The following RANBP2 variants were observed in gnomAD, a reference collection of about 807,000 sequenced individuals.
RANBP2 encodes the protein E3 SUMO-protein ligase RanBP2.
In RANBP2, 57 loss-of-function variants were observed where a neutral mutation model predicts 303.6. That is an observed-to-expected ratio of 0.19 (90% CI 0.15 to 0.23). RANBP2 has a LOEUF of 0.23. RANBP2 is among the 10% of genes least tolerant of loss of function. The probability of loss-of-function intolerance (pLI) is 1.00; values close to 1 mark genes in which losing one functional copy is unlikely to be tolerated. For synonymous variants in RANBP2, 1,167 were observed against 1,301.5 expected (o/e 0.90, Z 2.23); for missense variants, 3,138 against 3,780.8 (o/e 0.83, Z 4.46).
chr2:108,849,143 T>C, the RANBP2 span, among the ~76,000 whole-genome samples: 3 of 152,058 alleles, frequency 2.0e-5, no homozygotes, highest in East Asian at 5.8e-4. Flanking sequence ...TGAACTGGGA[T>C]ACATAGCAAT....
the RANBP2 span, among the ~76,000 whole-genome samples, chr2:109,697,060 G>A: frequency 7.2e-5 from 11 of 152,148 alleles, no homozygotes; most frequent in Admixed American, 7.2e-4. Flanking sequence ...TTATAGGTGT[G>A]AGCCACCACA....
At chr2:109,072,975 G>C in the RANBP2 span, among the ~76,000 whole-genome samples, 2 of 152,094 alleles carry the variant, frequency 1.3e-5, no homozygotes, top group East Asian at 3.9e-4. Flanking sequence ...GAAGACTGAG[G>C]GAGGTGGCTG....
At chr2:109,550,566 G>A in the RANBP2 span, among the ~76,000 whole-genome samples, 3 of 151,962 alleles carry the variant, frequency 2.0e-5, no homozygotes, top group African/African-American at 4.8e-5. Context: ...CACCCACCTC[G>A]GCCTCCCGAA....
At chr2:109,405,012 C>G in the RANBP2 span, among the ~76,000 whole-genome samples, 1 of 151,234 alleles carries the variant, frequency 6.6e-6, no homozygotes, top group Non-Finnish European at 1.5e-5. Flanking sequence ...AAATACCCCC[C>G]ACCTTCTCTT....
At chr2:109,143,733 A>C in the RANBP2 span, among the ~76,000 whole-genome samples, 1 of 151,126 alleles carries the variant, frequency 6.6e-6, no homozygotes, top group East Asian at 1.9e-4. Flanking sequence ...CAGCCTGGGC[A>C]ACAGAGTGAC....
downstream of RANBP2, among the ~76,000 whole-genome samples, chr2:108,789,728 G>A (rs1679588720): frequency 6.6e-6 from 1 of 152,132 alleles, no homozygotes; most frequent in African/African-American, 2.4e-5. Flanking sequence ...GGTGGTCTGG[G>A]GAGATGGTAA....
chr2:109,267,891 AGCT>A, the RANBP2 span, among the ~76,000 whole-genome samples: 3 of 150,210 alleles, frequency 2.0e-5, no homozygotes, highest in African/African-American at 7.3e-5. Flanking sequence ...GGGAGAAAGG[AGCT>A]GCTGCAGCAC....
At chr2:109,687,944 G>A in the RANBP2 span, among the ~76,000 whole-genome samples, 13 of 151,956 alleles carry the variant, frequency 8.6e-5, no homozygotes, top group Admixed American at 5.2e-4. Flanking sequence ...TGGGCTTTTC[G>A]CCATGTTGCC....
chr2:109,030,218 A>C, the RANBP2 span, among the ~76,000 whole-genome samples: 1 of 152,148 alleles, frequency 6.6e-6, no homozygotes, highest in Non-Finnish European at 1.5e-5. Flanking sequence ...CCTCCCCTGC[A>C]CAGCCAGCTG....
chr2:109,236,256 C>T, the RANBP2 span, among the ~76,000 whole-genome samples: 1 of 152,260 alleles, frequency 6.6e-6, no homozygotes, highest in East Asian at 1.9e-4. Context: ...TATTAATGAC[C>T]AAATTCCCCT....
chr2:109,178,386 G>A, the RANBP2 span, among the ~76,000 whole-genome samples: 2 of 152,254 alleles, frequency 1.3e-5, no homozygotes, highest in African/African-American at 4.8e-5. Flanking sequence ...GTGTGGTGGA[G>A]GAATATTGGT....
At chr2:108,786,327 C>CT (rs1678704938), downstream of RANBP2, among the ~76,000 whole-genome samples, 1 of 149,880 alleles carries the variant, frequency 6.7e-6, no homozygotes, top group African/African-American at 2.5e-5. Context: ...CTCTCAGGCT[C>CT]AAAGCAATGC....
chr2:108,854,010 AATATATAATAAATTTATATT>A, the RANBP2 span, among the ~76,000 whole-genome samples: 2 of 99,442 alleles, frequency 2.0e-5, no homozygotes, highest in Non-Finnish European at 3.9e-5. Flanking sequence ...TATTATATAT[AATATATAATAAATTTATATT>A]ATATATAATA....
At chr2:109,038,351 C>G in the RANBP2 span, among the ~76,000 whole-genome samples, 1 of 152,024 alleles carries the variant, frequency 6.6e-6, no homozygotes, top group Non-Finnish European at 1.5e-5. Context: ...AACTTTTGCT[C>G]TGGCCAAGTG....
the RANBP2 span, among the ~76,000 whole-genome samples, chr2:108,886,416 CTT>C: frequency 6.6e-6 from 1 of 152,020 alleles, no homozygotes; most frequent in Non-Finnish European, 1.5e-5. Flanking sequence ...CCTTTGCCCA[CTT>C]TATTTATTTT....
chr2:109,614,370 G>A, the RANBP2 span: 7 of 841,192 alleles, frequency 8.3e-6, no homozygotes, highest in Non-Finnish European at 1.1e-5. Context: ...CCTCAGACGC[G>A]TAGGCTGGCA....
chr2:108,895,585 T>G, the RANBP2 span: 2 of 152,236 alleles, frequency 1.3e-5, no homozygotes, highest in Non-Finnish European at 2.9e-5. Context: ...CAAACCACAC[T>G]GTGTTGACTT....
the RANBP2 span, among the ~76,000 whole-genome samples, chr2:109,492,106 G>A: frequency 9.8e-5 from 15 of 152,340 alleles, no homozygotes; most frequent in East Asian, 2.5e-3. Context: ...CACGGTGGAA[G>A]CGTGGCCACA....
chr2:109,166,129 A>C, the RANBP2 span, among the ~76,000 whole-genome samples: 1 of 152,176 alleles, frequency 6.6e-6, no homozygotes, highest in African/African-American at 2.4e-5. Context: ...GGCACAAAGA[A>C]GTAGTGCAGA....
Sources: allele counts gnomAD v4.1 joint callset (sites outside exome capture counted in the v4.1 genomes callset), GRCh38; gene constraint gnomAD v4.1.1; transcripts MANE v1.5; gene names NCBI Gene and HGNC (gene_info 2026-07-23, HGNC 2026-07-21).